The following CAMKMT variants were observed in gnomAD, a reference collection of about 807,000 sequenced individuals.
CAMKMT encodes CaM KMT.
Under a neutral mutation model 48.0 loss-of-function variants are expected in CAMKMT, and 53 were observed. That is an observed-to-expected ratio of 1.10 (90% CI 0.89 to 1.39). The LOEUF (loss-of-function observed/expected upper bound fraction) is 1.39, where lower values mean the gene tolerates loss of function less well. Among genes scored for constraint, CAMKMT ranks in the 40% most tolerant of loss-of-function variants. The pLI, the probability that CAMKMT is intolerant of heterozygous loss-of-function variation, is 0.00. For synonymous variants in CAMKMT, 165 were observed against 152.3 expected, an observed-to-expected ratio of 1.08 and a Z score of -0.61; for missense variants, 428 against 402.7, an observed-to-expected ratio of 1.06 and a Z score of -0.54.
At chr2:44,474,796 A>G (rs539291617) in intron 3 of CAMKMT, among the ~76,000 whole-genome samples, 35 of 152,316 alleles carry the variant, frequency 2.3e-4, no homozygotes, top group African/African-American at 8.2e-4. Flanking sequence ...ACAGCACTGT[A>G]AATACATGGA....
chr2:44,708,458 G>T (rs1677687556), intron 6 of CAMKMT, among the ~76,000 whole-genome samples: 1 of 151,746 alleles, frequency 6.6e-6, no homozygotes, highest in Non-Finnish European at 1.5e-5. Flanking sequence ...AGCTAATATT[G>T]TTCAGTAACA....
At chr2:44,470,771 C>G (rs1392977156) in intron 3 of CAMKMT, among the ~76,000 whole-genome samples, 1 of 152,010 alleles carries the variant, frequency 6.6e-6, no homozygotes, top group African/African-American at 2.4e-5. Context: ...AAAAGTAATA[C>G]CTTATTGAGT....
chr2:44,416,667 G>A (rs1683576740), intron 3 of CAMKMT, among the ~76,000 whole-genome samples: 1 of 146,722 alleles, frequency 6.8e-6, no homozygotes, highest in Admixed American at 7.0e-5. Flanking sequence ...TGTGCCTCCT[G>A]GGTTCAAGTG....
rs541008983 is a variant in CAMKMT, at chr2:44,686,324, C to A, written c.377-17959C>A. ...AGGAGAATGGCGTGAACCTGGGAGGCAAAGCTTGCAGTGAGCTGAGATCAT... is the reference window on the plus strand; with the variant it reads ...AGGAGAATGGCGTGAACCTGGGAGGAAAAGCTTGCAGTGAGCTGAGATCAT... On this transcript the variant is annotated intron_variant, in intron 3 of 10. Coordinates refer to ENST00000378494, the MANE Select transcript of CAMKMT (RefSeq NM_024766.5). Among the ~76,000 whole-genome samples, 376 of 146,034 alleles carry A rather than the reference C, an allele frequency of 2.6e-3. 11 individuals carry two copies. Among genetic ancestry groups the A allele is most frequent in the Admixed American group, 0.023 (331 of 14,274 alleles).
At chr2:44,705,246 C>A in intron 4 of CAMKMT, 1 of 455,222 alleles carries the variant, frequency 2.2e-6, no homozygotes, top group Non-Finnish European at 2.9e-6. Context: ...CCTTGCTTGG[C>A]TTCTTCTCCT....
At chr2:44,741,165 G>T (rs538758174) in intron 7 of CAMKMT, among the ~76,000 whole-genome samples, 180 of 152,302 alleles carry the variant, frequency 1.2e-3, no homozygotes, top group African/African-American at 4.1e-3. Context: ...TCTCATTTTT[G>T]TGACTATATT....
At chr2:44,535,605 A>T (rs1666733315) in intron 3 of CAMKMT, among the ~76,000 whole-genome samples, 1 of 152,234 alleles carries the variant, frequency 6.6e-6, no homozygotes, top group African/African-American at 2.4e-5. Context: ...AACAAACGTG[A>T]TTCATCACAC....
In CAMKMT at chr2:44,707,525, A is replaced by G. The variant is rs1677629426; in HGVS notation, c.556+63A>G. The G allele has an allele frequency of 2.1e-6, 3 of 1,397,348 alleles. No individual in the cohort carries two copies. In the African/African-American group the frequency reaches 4.3e-5, roughly 20 times the overall value. The allele number at this position is 1,397,348 out of a possible 1,614,324, so 86.6% of individuals were successfully genotyped here. Reference sequence around the variant, plus strand: ...CATTCCTTTTTCCTGGCTGAGTAACAATTGATATAAAGAAAGACAGCATGG... The same window carrying G: ...CATTCCTTTTTCCTGGCTGAGTAACGATTGATATAAAGAAAGACAGCATGG... On this transcript the variant is annotated intron_variant, in intron 6 of 10. Coordinates refer to ENST00000378494, the MANE Select transcript of CAMKMT (RefSeq NM_024766.5).
chr2:44,439,758 A>G (rs1344371161), intron 3 of CAMKMT, among the ~76,000 whole-genome samples: 2 of 151,894 alleles, frequency 1.3e-5, no homozygotes, highest in African/African-American at 4.8e-5. Context: ...GAATGGCATG[A>G]ACCCGGGAGA....
intron 6 of CAMKMT, among the ~76,000 whole-genome samples, chr2:44,713,757 C>T (rs1031882911): frequency 2.1e-4 from 32 of 152,116 alleles, no homozygotes; most frequent in Non-Finnish European, 3.7e-4. Flanking sequence ...TATCACAGTA[C>T]CTGCTTATTC....
In CAMKMT at chr2:44,673,471, G is replaced by GGAAGGA. The variant is rs1553435760; in HGVS notation, c.377-30812_377-30811insGAAGGA. On this transcript the variant is annotated intron_variant, in intron 3 of 10. Transcript: ENST00000378494. ...AGAGAGAAAGAGAAAGAAAGAGAGA[G>GGAAGGA]AGGAAGGAAGGAAGGAAGGAAGGAA... Among the ~76,000 whole-genome samples, 201 of 116,854 alleles carry GGAAGGA rather than the reference G, an allele frequency of 1.7e-3. 7 individuals carry two copies. In the East Asian group the frequency reaches 0.042, roughly 25 times the overall value. 76.7% of individuals were successfully genotyped at this position (116,854 alleles called of 152,430 possible). A position where few individuals can be genotyped will look rare whatever the true frequency, so the allele number is the denominator to read the frequency against.
At chr2:44,714,651 G>A (rs576494133) in intron 6 of CAMKMT, among the ~76,000 whole-genome samples, 5 of 152,284 alleles carry the variant, frequency 3.3e-5, no homozygotes, top group South Asian at 4.1e-4. Flanking sequence ...TCAGGAGACT[G>A]ACATTGCTCT....
chr2:44,382,391 T>A (rs940640838), intron 2 of CAMKMT, among the ~76,000 whole-genome samples: 1 of 152,132 alleles, frequency 6.6e-6, no homozygotes, highest in Non-Finnish European at 1.5e-5. Flanking sequence ...TTATTTGTGA[T>A]TGGTGACTTT....
chr2:44,400,459 C>G (rs1285881374), intron 3 of CAMKMT, among the ~76,000 whole-genome samples: 2 of 152,104 alleles, frequency 1.3e-5, no homozygotes, highest in Admixed American at 1.3e-4. Context: ...TACCCATGGA[C>G]ATTCAGATTT....
At chr2:44,685,801 G>A (rs918458491) in intron 3 of CAMKMT, among the ~76,000 whole-genome samples, 3 of 152,070 alleles carry the variant, frequency 2.0e-5, no homozygotes, top group Admixed American at 1.3e-4. Flanking sequence ...TGTGAATAAT[G>A]ACTTAGAAAT....
intron 3 of CAMKMT, among the ~76,000 whole-genome samples, chr2:44,614,818 A>T (rs922739852): frequency 1.3e-5 from 2 of 151,610 alleles, no homozygotes; most frequent in Non-Finnish European, 2.9e-5. Flanking sequence ...TGCTTCACAC[A>T]CACCAGCAAT....
In CAMKMT at chr2:44,518,256, CAAGG is replaced by C. The variant is rs969831863; in HGVS notation, c.376+127956_376+127959del. Reference sequence around the variant, plus strand: ...GGTTATTCTAGTCATCGAGAATCAACAAGGAAGGGGCCGTTATGGGTAGTCATTG... The same window carrying C: ...GGTTATTCTAGTCATCGAGAATCAACAAGGGGCCGTTATGGGTAGTCATTG... On this transcript the variant is annotated intron_variant, in intron 3 of 10. Transcript: ENST00000378494. 1.2e-4 allele frequency among the ~76,000 whole-genome samples: 18 copies of C among 152,002 alleles called. 1 individual carries two copies. Among genetic ancestry groups the C allele is most frequent in the African/African-American group, 4.3e-4 (18 of 41,440 alleles).
Position 44,766,364 on chromosome 2 carries a change from C to T in CAMKMT, c.763-66C>T. On this transcript the variant is annotated intron_variant, in intron 9 of 10. Transcript: ENST00000378494. The stretch of plus-strand genomic sequence containing the variant: ...AGAGCAGTACATTAAATGCTTTGAC[C>T]AATGTCTGTTATGTTTGGTTACCTT... The T allele has an allele frequency of 1.9e-6, 3 of 1,581,036 alleles. No homozygotes were observed. In the Middle Eastern group the frequency reaches 5.0e-4, roughly 265 times the overall value.
intron 3 of CAMKMT, among the ~76,000 whole-genome samples, chr2:44,589,104 C>T (rs1164968024): frequency 2.2e-5 from 1 of 44,886 alleles, no homozygotes; most frequent in East Asian, 3.5e-4. Flanking sequence ...GCCCCTCTGC[C>T]TGGCGAGCCG....
Sources: gnomAD v4.1 joint callset for allele counts (sites outside exome capture counted in the v4.1 genomes callset) on GRCh38, gnomAD v4.1.1 for gene constraint, MANE v1.5 for transcripts, NCBI Gene and HGNC (gene_info 2026-07-23, HGNC 2026-07-21) for gene names.